The following AKAIN1 variants were observed in gnomAD, a reference collection of about 807,000 sequenced individuals.
AKAIN1 encodes A-kinase anchor inhibitor 1, also known as A-kinase anchor protein inhibitor 1.
A neutral mutation model predicts 3.7 loss-of-function variants in AKAIN1; 3 were observed. That is an observed-to-expected ratio of 0.82 (90% CI 0.37 to 2.12). AKAIN1 has a LOEUF of 2.12. AKAIN1 is among the 30% of genes most tolerant of loss of function. The probability of loss-of-function intolerance (pLI) is 0.06; values close to 1 mark genes in which losing one functional copy is unlikely to be tolerated. For missense variants in AKAIN1, 82 were observed against 82.7 expected, an observed-to-expected ratio of 0.99 and a Z score of 0.03; for synonymous variants, 31 against 30.8, an observed-to-expected ratio of 1.01 and a Z score of -0.02.
In AKAIN1 at chr18:5,145,759, G is replaced by C. The variant is rs1029864225; in HGVS notation, c.17-4C>G. On this transcript the variant is annotated splice_region_variant and splice_polypyrimidine_tract_variant and intron_variant, in intron 1 of 1. Transcript: ENST00000434239. ...GGCTCATTTCCAGGTTTCTCACCTA[G>C]CCAAAAACATGAAAAGGAGGGGAAA... 1.3e-6 allele frequency: 2 copies of C among 1,546,582 alleles called. No homozygotes were observed. Among genetic ancestry groups the C allele is most frequent in the African/African-American group, 2.7e-5 (2 of 72,918 alleles).
chr18:5,161,632 C>T (rs922281822), intron 1 of AKAIN1, among the ~76,000 whole-genome samples: 1 of 152,076 alleles, frequency 6.6e-6, no homozygotes, highest in African/African-American at 2.4e-5. Flanking sequence ...TTTGCTATCC[C>T]AATATTAACT....
chr18:5,146,113 CTGT>C (rs1053159510), intron 1 of AKAIN1, among the ~76,000 whole-genome samples: 3 of 152,148 alleles, frequency 2.0e-5, no homozygotes. Flanking sequence ...CACTGCTGTA[CTGT>C]TATTACTTTT....
At chr18:5,185,374 G>A (rs757106718) in intron 1 of AKAIN1, among the ~76,000 whole-genome samples, 8 of 151,940 alleles carry the variant, frequency 5.3e-5, no homozygotes, top group Non-Finnish European at 8.8e-5. Flanking sequence ...GAGCTTTTGC[G>A]CAGCAAAAGA....
chr18:5,173,839 C>CCCT (rs1422861163), intron 1 of AKAIN1, among the ~76,000 whole-genome samples: 2 of 152,060 alleles, frequency 1.3e-5, no homozygotes, highest in Non-Finnish European at 2.9e-5. Flanking sequence ...ATGATCCCCC[C>CCCT]TCGGCCATCT....
chr18:5,158,002 A>G (rs1242101881), intron 1 of AKAIN1, among the ~76,000 whole-genome samples: 4 of 152,184 alleles, frequency 2.6e-5, no homozygotes, highest in Non-Finnish European at 5.9e-5. Flanking sequence ...CTCTGTTACA[A>G]CTGACTGTGG....
At chr18:5,196,559 C>T (rs2071348815) in intron 1 of AKAIN1, among the ~76,000 whole-genome samples, 1 of 152,234 alleles carries the variant, frequency 6.6e-6, no homozygotes, top group Admixed American at 6.5e-5. Context: ...GTCCTACTCC[C>T]CTTGGCTTCG....
Position 5,173,274 on chromosome 18 carries a change from T to C in AKAIN1, c.16+23764A>G, listed in dbSNP as rs2071207723. 3.3e-5 allele frequency among the ~76,000 whole-genome samples: 5 copies of C among 152,176 alleles called. No homozygotes were observed. In the South Asian group the frequency reaches 1.0e-3, roughly 31 times the overall value. ...AAAAATATCAAATCATGGGCCATTA[T>C]TGGTGTTTTTTTGTATGTGTTACAT... On this transcript the variant is annotated intron_variant, in intron 1 of 1. Coordinates refer to ENST00000434239, the MANE Select transcript of AKAIN1 (RefSeq NM_001145194.2).
intron 1 of AKAIN1, among the ~76,000 whole-genome samples, chr18:5,167,656 T>G (rs2071174502): frequency 6.6e-6 from 1 of 152,116 alleles, no homozygotes; most frequent in Non-Finnish European, 1.5e-5. Flanking sequence ...AATAGCTATG[T>G]AACAGTGCTT....
At chr18:5,196,540 C>A (rs1322885593) in intron 1 of AKAIN1, among the ~76,000 whole-genome samples, 1 of 152,256 alleles carries the variant, frequency 6.6e-6, no homozygotes, top group South Asian at 2.1e-4. Flanking sequence ...TATCGCTCCT[C>A]TGCCCTTCGT....
At chr18:5,160,760 G>A (rs10853327) in intron 1 of AKAIN1, among the ~76,000 whole-genome samples, 89,818 of 151,934 alleles carry the variant, frequency 0.59, 27,248 homozygotes, top group African/African-American at 0.73. Flanking sequence ...CTGATTTCCT[G>A]TATTTTCGTA....
At chr18:5,172,836 A>G (rs567755775) in intron 1 of AKAIN1, among the ~76,000 whole-genome samples, 1 of 152,222 alleles carries the variant, frequency 6.6e-6, no homozygotes, top group Non-Finnish European at 1.5e-5. Flanking sequence ...TAATATTAGA[A>G]TTCTGCCAAT....
chr18:5,158,802 C>G (rs1402370391), intron 1 of AKAIN1, among the ~76,000 whole-genome samples: 2 of 152,196 alleles, frequency 1.3e-5, no homozygotes, highest in African/African-American at 4.8e-5. Flanking sequence ...CGAGAAAGCC[C>G]TTGTTTTAGA....
At chr18:5,183,036 T>C (rs1045345636) in intron 1 of AKAIN1, among the ~76,000 whole-genome samples, 1 of 152,078 alleles carries the variant, frequency 6.6e-6, no homozygotes, top group Non-Finnish European at 1.5e-5. Context: ...TCCTAGTTAA[T>C]AACTGTGCTG....
In AKAIN1 at chr18:5,144,257, C is replaced by T. The variant is rs1415273317; in HGVS notation, c.*1305G>A. Among the ~76,000 whole-genome samples the T allele has an allele frequency of 6.6e-6, 1 of 152,086 alleles. No individual in the cohort carries two copies. Among genetic ancestry groups the T allele is most frequent in the African/African-American group, 2.4e-5 (1 of 41,408 alleles). ...TTTAGAAGTATATCTTAATATCAGT[C>T]ACAATTTATACCCGAATACTTTGCT... On this transcript the variant is annotated 3_prime_UTR_variant, in exon 2 of 2. Transcript: ENST00000434239.
intron 1 of AKAIN1, among the ~76,000 whole-genome samples, chr18:5,192,174 CAT>C (rs2071322215): frequency 2.0e-5 from 3 of 152,050 alleles, no homozygotes; most frequent in South Asian, 4.1e-4. Flanking sequence ...AAAGGACACA[CAT>C]ATAGATTAAT....
chr18:5,197,097 A>C lies in AKAIN1; in HGVS notation c.-44T>G, dbSNP rs762569790. ...CGCCCCCAGATTAAGAGAGAAAGACAGGCAGACGGAGGATGGGAAGAAGGC... is the reference window on the plus strand; with the variant it reads ...CGCCCCCAGATTAAGAGAGAAAGACCGGCAGACGGAGGATGGGAAGAAGGC... On this transcript the variant is annotated 5_prime_UTR_variant, in exon 1 of 2. Transcript: ENST00000434239. The surrounding 1 kb of genome is among the most constrained non-coding windows in gnomAD (Gnocchi z 6.9). 6.4e-7 allele frequency: 1 copy of C among 1,550,750 alleles called. No individual in the cohort carries two copies. The highest frequency in any genetic ancestry group is 8.7e-7 in the Non-Finnish European group (1 of 1,146,846).
intron 1 of AKAIN1, among the ~76,000 whole-genome samples, chr18:5,167,333 C>T (rs928404363): frequency 2.0e-5 from 3 of 152,120 alleles, no homozygotes; most frequent in East Asian, 1.9e-4. Context: ...ATATCTCTTC[C>T]GTCGTATGGC....
intron 1 of AKAIN1, among the ~76,000 whole-genome samples, chr18:5,162,889 A>T (rs1304569186): frequency 2.0e-5 from 3 of 151,904 alleles, no homozygotes; most frequent in South Asian, 4.2e-4. Flanking sequence ...CAGGTCATGG[A>T]GCTTCTTGTT....
At position 5,195,025 on chromosome 18, in the gene AKAIN1, C is replaced by T. The variant is rs566633473; in HGVS notation, c.16+2013G>A. ...TTTCAGAATAATACACATCACTATA[C>T]GAATTAGAAAACAAATGATCCATAG... is the stretch of plus-strand genomic sequence containing the variant. On this transcript the variant is annotated intron_variant, in intron 1 of 1. Coordinates refer to ENST00000434239, the MANE Select transcript of AKAIN1 (RefSeq NM_001145194.2). Among the ~76,000 whole-genome samples the T allele has an allele frequency of 2.0e-4, 31 of 152,150 alleles. No individual in the cohort carries two copies. The South Asian group carries it at 5.4e-3, about 26-fold the overall frequency.
Sources: allele counts gnomAD v4.1 joint callset (sites outside exome capture counted in the v4.1 genomes callset), GRCh38; gene constraint gnomAD v4.1.1; non-coding constraint Gnocchi (gnomAD v3.1); transcripts MANE v1.5; gene names NCBI Gene and HGNC (gene_info 2026-07-23, HGNC 2026-07-21).